The following MAGI1 variants were observed in gnomAD, a reference collection of about 807,000 sequenced individuals.
The protein encoded by MAGI1 is membrane-associated guanylate kinase, WW and PDZ domain-containing protein 1.
Under a neutral mutation model 139.9 loss-of-function variants are expected in MAGI1, and 58 were observed. That is an observed-to-expected ratio of 0.41 (90% confidence interval 0.34 to 0.52). The LOEUF (loss-of-function observed/expected upper bound fraction) is 0.52, where lower values mean the gene tolerates loss of function less well. Ranked by LOEUF, MAGI1 falls within the 20% of genes least tolerant of loss-of-function variation. The pLI is 0.12. For missense variants in MAGI1, 1,874 were observed against 1,901.6 expected, an observed-to-expected ratio of 0.99 and a Z score of 0.27; for synonymous variants, 812 against 737.9, an observed-to-expected ratio of 1.10 and a Z score of -1.63.
At chr3:65,470,573 G>A in intron 4 of MAGI1, 89 bp from the exon 5 acceptor site, 1 of 771,944 alleles carries the variant, frequency 1.3e-6, no homozygotes, top group African/African-American at 1.7e-5. Context: ...CGGGAAGTAT[G>A]CAACTATACA....
chr3:65,855,434 AAAAATAAAAT>A (rs886826507), intron 1 of MAGI1, among the ~76,000 whole-genome samples: 7 of 150,070 alleles, frequency 4.7e-5, no homozygotes, highest in African/African-American at 7.4e-5. Flanking sequence ...AAGTAACTTT[AAAAATAAAAT>A]AAAATAAAAT....
rs138906091 is a variant in MAGI1 at position 65,845,121 on chromosome 3, C to T, written c.313+192875G>A. ...CAAAACTTAGCTGGGTGTGGTGGTG[C>T]ACGCCTGTAGTCCCAGCTATTCAGG... is the stretch of plus-strand genomic sequence containing the variant. On this transcript the variant is annotated intron_variant, in intron 1 of 22. Transcript: ENST00000402939. Among the ~76,000 whole-genome samples the T allele has an allele frequency of 6.2e-3, 948 of 151,968 alleles. 4 individuals are homozygous for T. The highest frequency in any genetic ancestry group is 0.014 in the Middle Eastern group (4 of 294).
intron 11 of MAGI1, 125 bp from the exon 12 acceptor site, chr3:65,430,265 T>G: frequency 1.1e-6 from 1 of 933,328 alleles, no homozygotes. Context: ...CTATAGGGTA[T>G]AAAGTGCTTC....
intron 1 of MAGI1, among the ~76,000 whole-genome samples, chr3:65,674,091 A>C (rs2087029222): frequency 6.6e-6 from 1 of 152,218 alleles, no homozygotes; most frequent in African/African-American, 2.4e-5. Context: ...CTAATAATTT[A>C]AGCTTATACG....
chr3:65,717,541 A>T (rs2032421687), intron 1 of MAGI1: 2 of 152,240 alleles, frequency 1.3e-5, no homozygotes, highest in Non-Finnish European at 2.9e-5. Flanking sequence ...ATGAAAGATG[A>T]CAAAGATTTC....
At chr3:65,401,373 C>T (rs1287735789) in intron 13 of MAGI1, 66 bp downstream of exon 13, 22 of 604,978 alleles carry the variant, frequency 3.6e-5, no homozygotes, top group South Asian at 6.2e-5. Flanking sequence ...AGAGTACCCT[C>T]CCACCTCCAG....
chr3:65,995,954 TG>T (rs2066424121), intron 1 of MAGI1, among the ~76,000 whole-genome samples: 1 of 152,134 alleles, frequency 6.6e-6, no homozygotes, highest in Non-Finnish European at 1.5e-5. Context: ...GCTATGATCG[TG>T]CCACTGTACT....
At chr3:65,657,377 T>C (rs892702823) in intron 1 of MAGI1, among the ~76,000 whole-genome samples, 7 of 151,480 alleles carry the variant, frequency 4.6e-5, no homozygotes, top group Non-Finnish European at 8.8e-5. Context: ...GGAGGATCAC[T>C]TGAGCCCAGG....
At chr3:65,409,097 G>C (rs368284741) in intron 12 of MAGI1, among the ~76,000 whole-genome samples, 3 of 152,356 alleles carry the variant, frequency 2.0e-5, no homozygotes, top group South Asian at 4.1e-4. Flanking sequence ...GCTGAAGTAT[G>C]AGAAGGAACC....
At chr3:65,991,215 G>A (rs1032924182) in intron 1 of MAGI1, among the ~76,000 whole-genome samples, 11 of 143,546 alleles carry the variant, frequency 7.7e-5, no homozygotes, top group African/African-American at 2.6e-4. Context: ...TTTGAACCCA[G>A]AAGGTGGCGG....
chr3:65,917,321 G>C (rs942636812), intron 1 of MAGI1, among the ~76,000 whole-genome samples: 1 of 152,182 alleles, frequency 6.6e-6, no homozygotes, highest in Admixed American at 6.6e-5. Flanking sequence ...AGGATATGGA[G>C]CAACAGGAAC....
At position 65,693,764 on chromosome 3, in the gene MAGI1, C is replaced by T. The variant is rs188648498; in HGVS notation, c.314-71676G>A. ...TTGGAGATGGAGTCTTGTTCTGTCACCCAGGCTGGAGTGCAGTGGCACGAT... is the reference window on the plus strand; with the variant it reads ...TTGGAGATGGAGTCTTGTTCTGTCATCCAGGCTGGAGTGCAGTGGCACGAT... On this transcript the variant is annotated intron_variant, in intron 1 of 22. Transcript: ENST00000402939. Among the ~76,000 whole-genome samples the T allele has an allele frequency of 2.4e-4, 36 of 152,146 alleles. No individual in the cohort carries two copies. In the East Asian group the frequency reaches 6.6e-3, roughly 28 times the overall value.
intron 3 of MAGI1, among the ~76,000 whole-genome samples, chr3:65,485,936 C>G (rs1951599439): frequency 1.3e-5 from 2 of 152,122 alleles, no homozygotes; most frequent in Non-Finnish European, 2.9e-5. Flanking sequence ...TCTTCATAAG[C>G]AGAAGAACAG....
chr3:65,835,692 G>C (rs2042767201), intron 1 of MAGI1, among the ~76,000 whole-genome samples: 1 of 152,120 alleles, frequency 6.6e-6, no homozygotes, highest in Non-Finnish European at 1.5e-5. Context: ...TATTTTTGTA[G>C]TGAAAAACAA....
intron 1 of MAGI1, among the ~76,000 whole-genome samples, chr3:65,891,603 C>G (rs572245579): frequency 6.6e-6 from 1 of 151,740 alleles, no homozygotes; most frequent in East Asian, 2.0e-4. Context: ...CAACGTGATA[C>G]ACAATATAAC....
At chr3:65,527,720 GTC>G (rs1337960314) in intron 2 of MAGI1, among the ~76,000 whole-genome samples, 1 of 150,600 alleles carries the variant, frequency 6.6e-6, no homozygotes, top group Non-Finnish European at 1.5e-5. Flanking sequence ...GCGAGACTCT[GTC>G]TCAAAAAATG....
chr3:65,401,750 C>T, intron 12 of MAGI1: 1 of 1,432,296 alleles, frequency 7.0e-7, no homozygotes, highest in Non-Finnish European at 9.2e-7. Context: ...ACCTCAGCGG[C>T]CTGGGAAATT....
At position 65,951,037 on chromosome 3, in the gene MAGI1, A is replaced by AAGGG. The variant is rs1267175401; in HGVS notation, c.313+86958_313+86959insCCCT. 2.7e-3 allele frequency among the ~76,000 whole-genome samples: 140 copies of AAGGG among 52,490 alleles called. 10 individuals are homozygous for AAGGG. The highest frequency in any genetic ancestry group is 0.02 in the Middle Eastern group (1 of 50). 34.4% of individuals were successfully genotyped at this position (52,490 alleles called of 152,430 possible). Reference sequence around the variant, plus strand: ...GAAGGAAGGAAGGAAGGAAGGAAGGAAAGGAGGGAGGGAGGGAGGAAGGTG... The same window carrying AAGGG: ...GAAGGAAGGAAGGAAGGAAGGAAGGAAGGGAAGGAGGGAGGGAGGGAGGAAGGTG... On this transcript the variant is annotated intron_variant, in intron 1 of 22. Coordinates refer to ENST00000402939, the MANE Select transcript of MAGI1 (RefSeq NM_001033057.2).
At chr3:65,516,499 A>G (rs1031435256) in intron 2 of MAGI1, among the ~76,000 whole-genome samples, 8 of 151,838 alleles carry the variant, frequency 5.3e-5, no homozygotes, top group Admixed American at 3.9e-4. Flanking sequence ...TTTTAAAAGT[A>G]TAATAATAAT....
Sources: allele counts gnomAD v4.1 joint callset (sites outside exome capture counted in the v4.1 genomes callset), GRCh38; gene constraint gnomAD v4.1.1; transcripts MANE v1.5; gene names NCBI Gene and HGNC (gene_info 2026-07-23, HGNC 2026-07-21).